The following SLC9A6 variants were observed in gnomAD, a reference collection of about 807,000 sequenced individuals.
The protein encoded by SLC9A6 is sodium/hydrogen exchanger 6.
In SLC9A6, 6 loss-of-function variants were observed where a neutral mutation model predicts 45.3. That is an observed-to-expected ratio of 0.13 (90% CI 0.07 to 0.26). The LOEUF is 0.26. Among genes scored for constraint, SLC9A6 ranks in the 10% least tolerant of loss-of-function variants. SLC9A6 has a pLI of 1.00. For synonymous variants in SLC9A6, 191 were observed against 187.7 expected, an observed-to-expected ratio of 1.02 and a Z score of -0.14; for missense variants, 278 against 503.7, an observed-to-expected ratio of 0.55 and a Z score of 4.29.
intron 13 of SLC9A6, among the ~76,000 whole-genome samples, chrX:136,026,698 G>A (rs1317602283): frequency 1.8e-5 from 2 of 111,068 alleles, no homozygotes; most frequent in Non-Finnish European, 3.8e-5. Context: ...ACCACACCTG[G>A]CTAATTTTTG....
At chrX:136,016,830 G>T in intron 11 of SLC9A6, 72 bp downstream of exon 11, 1 of 583,199 alleles carries the variant, frequency 1.7e-6, no homozygotes, top group Non-Finnish European at 2.8e-6. Flanking sequence ...TGAGTATGTG[G>T]TTCATAAGAA....
exon 1 of SLC9A6, chrX:135,974,753 T>C (rs942963673): frequency 8.9e-6 from 3 of 338,471 alleles, no homozygotes; most frequent in Non-Finnish European, 1.8e-5. Flanking sequence ...AATACTTGGC[T>C]CGCGGGAAGT....
chrX:135,997,668 C>T (rs1421198841), intron 3 of SLC9A6, among the ~76,000 whole-genome samples: 2 of 107,745 alleles, frequency 1.9e-5, no homozygotes, highest in South Asian at 8.1e-4. Context: ...CGCCCACCTC[C>T]GCCTCCCAAA....
chrX:136,035,233 C>G (rs1361198165), intron 16 of SLC9A6, among the ~76,000 whole-genome samples: 1 of 111,613 alleles, frequency 9.0e-6, no homozygotes, highest in Non-Finnish European at 1.9e-5. Flanking sequence ...AACTTGAATA[C>G]AATAAAGTAC....
At chrX:136,011,636 A>G (rs1556618649) in intron 8 of SLC9A6, among the ~76,000 whole-genome samples, 1 of 112,228 alleles carries the variant, frequency 8.9e-6, no homozygotes, top group African/African-American at 3.2e-5. Context: ...TATCAAAGCT[A>G]AAGAAGACAA....
chrX:135,974,676 A>G (rs782387948), exon 1 of SLC9A6: 31 of 339,756 alleles, frequency 9.1e-5, no homozygotes, highest in African/African-American at 7.5e-4. Flanking sequence ...CTGGCACTGC[A>G]GAAGGAGGCA....
At chrX:136,030,439 G>A (rs1047484251) in intron 15 of SLC9A6, 9 of 359,865 alleles carry the variant, frequency 2.5e-5, no homozygotes, top group African/African-American at 2.1e-4. Flanking sequence ...AGTCTTTTAA[G>A]CACTCCTGGG....
chrX:136,042,067 C>T (rs1314199184), intron 17 of SLC9A6, among the ~76,000 whole-genome samples: 1 of 111,030 alleles, frequency 9.0e-6, no homozygotes, highest in African/African-American at 3.3e-5. Flanking sequence ...AAACAAGACC[C>T]TATTTCCAAA....
intron 13 of SLC9A6, among the ~76,000 whole-genome samples, chrX:136,024,857 G>T (rs1301913741): frequency 9.0e-6 from 1 of 111,454 alleles, no homozygotes; most frequent in Non-Finnish European, 1.9e-5. Context: ...AAACCCTGTT[G>T]TTGGACTTTT....
chrX:136,035,041 A>T (rs905365074), intron 16 of SLC9A6, among the ~76,000 whole-genome samples: 6 of 111,992 alleles, frequency 5.4e-5, no homozygotes, highest in South Asian at 7.4e-4. Context: ...ATAATAGCTT[A>T]TTCTTCTGTA....
intron 2 of SLC9A6, among the ~76,000 whole-genome samples, chrX:135,991,762 A>T (rs1483336390): frequency 9.1e-6 from 1 of 110,433 alleles, no homozygotes; most frequent in Non-Finnish European, 1.9e-5. Flanking sequence ...TCTCCTCAAA[A>T]ATGAATTTTT....
chrX:136,005,282 T>C (rs1468083540), intron 7 of SLC9A6, among the ~76,000 whole-genome samples: 1 of 112,746 alleles, frequency 8.9e-6, no homozygotes, highest in African/African-American at 3.2e-5. Context: ...ATCTATTTCC[T>C]GCAACATTAG....
In SLC9A6 at chrX:135,998,906, C is replaced by G; in HGVS notation, c.575C>G (p.Ala192Gly). The change falls in exon 6 of 18, where the codon GCA becomes GGA. Residue 192 changes from alanine to glycine, a missense_variant. Physicochemically the swap from Ala to Gly is moderately conservative, Grantham distance 60. Around this residue, in one of 5 missense-constraint regions of SLC9A6, gnomAD observed 118 missense variants for 209.9 expected, o/e 0.56. Transcript: ENST00000630721. ...VTLMKVTGQL[A>G]GDFYFTDCLL... ...CTGATGAAGGTAACGGGACAACTTG[C>G]AGGAGATTTTTACTTTACAGATTGC... 2 of 1,209,518 alleles carry G rather than the reference C, an allele frequency of 1.7e-6. No homozygotes were observed. The highest frequency in any genetic ancestry group is 1.1e-6 in the Non-Finnish European group (1 of 893,582).
chrX:136,007,079 C>T (rs1238722482), intron 7 of SLC9A6, among the ~76,000 whole-genome samples: 1 of 111,176 alleles, frequency 9.0e-6, no homozygotes, highest in Non-Finnish European at 1.9e-5. Flanking sequence ...GTTGGCCAGG[C>T]TGGTCTCGAA....
At chrX:136,001,754 A>G (rs1556617398) in intron 6 of SLC9A6, among the ~76,000 whole-genome samples, 2 of 112,313 alleles carry the variant, frequency 1.8e-5, no homozygotes, top group Non-Finnish European at 3.8e-5. Context: ...ATTCTTCTTC[A>G]TTAAAGATTA....
At chrX:136,003,471 A>G (rs915671051) in intron 7 of SLC9A6, among the ~76,000 whole-genome samples, 3 of 112,240 alleles carry the variant, frequency 2.7e-5, no homozygotes, top group Admixed American at 1.9e-4. Context: ...GCAGCTATAT[A>G]GTATTCTCTG....
chrX:136,010,230 C>CA, intron 7 of SLC9A6: 3 of 332,927 alleles, frequency 9.0e-6, no homozygotes, highest in Non-Finnish European at 1.6e-5. Flanking sequence ...TTCTACCCCC[C>CA]CCCCGAAATT....
At chrX:136,029,761 G>A in intron 14 of SLC9A6, 2 of 242,856 alleles carry the variant, frequency 8.2e-6, no homozygotes, top group South Asian at 6.0e-5. Flanking sequence ...GAAGTGAATT[G>A]CACTGTGCCA....
intron 11 of SLC9A6, among the ~76,000 whole-genome samples, chrX:136,017,482 G>C (rs782759361): frequency 6.1e-4 from 67 of 110,318 alleles, no homozygotes; most frequent in Non-Finnish European, 8.5e-4. Context: ...ATGAAAGAGA[G>C]GAGGCAATAG....
Sources: allele counts gnomAD v4.1 joint callset (sites outside exome capture counted in the v4.1 genomes callset), GRCh38; gene constraint gnomAD v4.1.1; regional missense constraint gnomAD v4.1.1; transcripts MANE v1.5; gene names NCBI Gene and HGNC (gene_info 2026-07-23, HGNC 2026-07-21).